The following RGS6 variants were observed in gnomAD, a reference collection of about 807,000 sequenced individuals.
RGS6 encodes the protein regulator of G-protein signaling 6.
Under a neutral mutation model 78.5 loss-of-function variants are expected in RGS6, and 30 were observed. The ratio of observed to expected loss-of-function variants is 0.38; its 90% confidence interval spans 0.29 to 0.52. The LOEUF (loss-of-function observed/expected upper bound fraction) is 0.52. Ranked by LOEUF, RGS6 falls within the 20% of genes least tolerant of loss-of-function variation. RGS6 has a pLI of 0.85. For missense variants in RGS6, 495 were observed against 609.7 expected (o/e 0.81, Z 1.98); for synonymous variants, 206 against 206.0 (o/e 1.00, Z 0.00).
At chr14:72,110,165 A>G (rs1441113588) in intron 2 of RGS6, among the ~76,000 whole-genome samples, 3 of 152,230 alleles carry the variant, frequency 2.0e-5, no homozygotes, top group Admixed American at 6.5e-5. Flanking sequence ...TATTCCAGAC[A>G]TCATTGGCTG....
At chr14:71,873,747 T>A in the RGS6 span, among the ~76,000 whole-genome samples, 222 of 152,296 alleles carry the variant, frequency 1.5e-3, 2 homozygotes, top group South Asian at 8.7e-3. Flanking sequence ...ATTGCCTAGG[T>A]TTTCTTCTAG....
chr14:72,528,155 G>A (rs115305297), intron 15 of RGS6, among the ~76,000 whole-genome samples: 2,244 of 152,290 alleles, frequency 0.015, 59 homozygotes, highest in African/African-American at 0.051. Flanking sequence ...GAGAGTCACT[G>A]TGTTTTGTCT....
At chr14:72,541,068 C>A in intron 17 of RGS6, 2 of 1,349,668 alleles carry the variant, frequency 1.5e-6, no homozygotes, top group Non-Finnish European at 2.0e-6. Context: ...AATCACGGGG[C>A]CCATCCTGTA....
intron 3 of RGS6, among the ~76,000 whole-genome samples, chr14:72,379,557 C>A (rs958880042): frequency 2.6e-5 from 4 of 151,564 alleles, no homozygotes; most frequent in African/African-American, 2.4e-5. Flanking sequence ...AAAAAGAAAT[C>A]AAAAAGGCAA....
At chr14:71,997,034 AG>A (rs2095232488) in intron 2 of RGS6, among the ~76,000 whole-genome samples, 1 of 152,118 alleles carries the variant, frequency 6.6e-6, no homozygotes, top group Non-Finnish European at 1.5e-5. Flanking sequence ...TGGAGAGGAC[AG>A]GGTGGAAGAG....
chr14:72,317,745 A>G (rs1214047036), intron 2 of RGS6, among the ~76,000 whole-genome samples: 1 of 152,194 alleles, frequency 6.6e-6, no homozygotes, highest in East Asian at 1.9e-4. Flanking sequence ...GTCATCAGAA[A>G]AGAAGCTCTT....
chr14:72,609,321 G>A, the RGS6 span, among the ~76,000 whole-genome samples: 3,645 of 152,278 alleles, frequency 0.024, 149 homozygotes, highest in African/African-American at 0.083. Context: ...GAGAGGTGGG[G>A]TGGTCCTGGC....
Position 72,516,149 on chromosome 14 carries a change from G to A in RGS6, c.1092-2202G>A, listed in dbSNP as rs537783495. Among the ~76,000 whole-genome samples, 9 of 152,332 alleles carry A rather than the reference G, an allele frequency of 5.9e-5. No homozygotes were observed. The South Asian group carries it at 1.7e-3, about 28-fold the overall frequency. ...AAGCCAACACTGGCTTCTTCCTATA[G>A]AGCCAGGTTCCCCGCATCTTTCACC... On this transcript the variant is annotated intron_variant, in intron 14 of 17. Coordinates refer to ENST00000553525, the MANE Select transcript of RGS6 (RefSeq NM_001204424.2).
chr14:72,109,642 C>A (rs1447778344), intron 2 of RGS6, among the ~76,000 whole-genome samples: 1 of 152,264 alleles, frequency 6.6e-6, no homozygotes, highest in East Asian at 1.9e-4. Flanking sequence ...TAAACATGGT[C>A]TGGAGTAGAA....
At position 72,142,419 on chromosome 14, in the gene RGS6, A is replaced by G. The variant is rs557428142; in HGVS notation, c.84+177544A>G. Among the ~76,000 whole-genome samples, 178 of 152,320 alleles carry G rather than the reference A, an allele frequency of 1.2e-3. 2 individuals are homozygous for G. Among genetic ancestry groups the G allele is most frequent in the African/African-American group, 4.1e-3 (169 of 41,572 alleles). On this transcript the variant is annotated intron_variant, in intron 2 of 17. Transcript: ENST00000553525. ...GAAAACTTTTCAGTGATTAAAATAA[A>G]TATACCAATGCAGTCCCCTTCTCTG...
chr14:71,917,049 G>A, the RGS6 span, among the ~76,000 whole-genome samples: 1 of 152,320 alleles, frequency 6.6e-6, no homozygotes, highest in South Asian at 2.1e-4. Flanking sequence ...TCAGAAACAG[G>A]ATGCCACAGG....
intron 2 of RGS6, among the ~76,000 whole-genome samples, chr14:72,169,410 G>T (rs2096978330): frequency 6.6e-6 from 1 of 152,216 alleles, no homozygotes; most frequent in Admixed American, 6.5e-5. Context: ...ACTCCCTTAA[G>T]AAATTATTGT....
At chr14:72,517,466 A>G (rs947012278) in intron 14 of RGS6, among the ~76,000 whole-genome samples, 1 of 145,058 alleles carries the variant, frequency 6.9e-6, no homozygotes, top group African/African-American at 2.5e-5. Flanking sequence ...TGCTCTCAGC[A>G]GAAAAGAGCT....
chr14:72,502,195 C>T (rs2096735563), intron 13 of RGS6, among the ~76,000 whole-genome samples: 1 of 152,184 alleles, frequency 6.6e-6, no homozygotes, highest in East Asian at 1.9e-4. Flanking sequence ...TTGGAGAAGC[C>T]CAAGCCGTTG....
At chr14:72,506,567 G>GT (rs1398780804) in intron 13 of RGS6, among the ~76,000 whole-genome samples, 3 of 152,216 alleles carry the variant, frequency 2.0e-5, no homozygotes, top group African/African-American at 7.2e-5. Flanking sequence ...TAGGGAAGAT[G>GT]TATCTAGGAA....
chr14:71,990,768 A>G (rs974141258), intron 2 of RGS6: 8 of 455,860 alleles, frequency 1.8e-5, no homozygotes, highest in Admixed American at 1.6e-4. Flanking sequence ...TCCAAACTCC[A>G]AATGCCTATA....
At chr14:72,598,409 T>G in the RGS6 span, among the ~76,000 whole-genome samples, 1 of 152,254 alleles carries the variant, frequency 6.6e-6, no homozygotes, top group Non-Finnish European at 1.5e-5. Flanking sequence ...CTAATTTTGA[T>G]GCAAGATCTG....
the RGS6 span, among the ~76,000 whole-genome samples, chr14:72,583,348 A>T: frequency 8.5e-5 from 13 of 152,234 alleles, no homozygotes; most frequent in Non-Finnish European, 1.6e-4. Context: ...GATCTGGATC[A>T]ATGATAGCTA....
intron 17 of RGS6, chr14:72,550,412 T>G (rs1216597608): frequency 6.7e-7 from 1 of 1,495,848 alleles, no homozygotes; most frequent in African/African-American, 1.4e-5. Context: ...CTTTTTTTGT[T>G]TGCACTAAGC....
Sources: gnomAD v4.1 joint callset for allele counts (sites outside exome capture counted in the v4.1 genomes callset) on GRCh38, gnomAD v4.1.1 for gene constraint, MANE v1.5 for transcripts, NCBI Gene and HGNC (gene_info 2026-07-23, HGNC 2026-07-21) for gene names.